CMSS1: variants seen among roughly 807,000 people sequenced by gnomAD.
CMSS1 encodes protein CMSS1.
A neutral mutation model predicts 43.5 loss-of-function variants in CMSS1; 33 were observed. That is an observed-to-expected ratio of 0.76 (90% CI 0.57 to 1.01). The LOEUF (loss-of-function observed/expected upper bound fraction) is 1.01. Among genes scored for constraint, CMSS1 ranks in the 50% least tolerant of loss-of-function variants. The pLI, the probability that CMSS1 is intolerant of heterozygous loss-of-function variation, is 0.00. For synonymous variants in CMSS1, 115 were observed against 117.2 expected (o/e 0.98, Z 0.12); for missense variants, 313 against 326.4 (o/e 0.96, Z 0.32).
chr3:100,037,055 G>T (rs563886798), intron 1 of CMSS1, among the ~76,000 whole-genome samples: 173 of 152,236 alleles, frequency 1.1e-3, no homozygotes, highest in African/African-American at 3.9e-3. Flanking sequence ...TAAATGTGTG[G>T]GTTCTTTCAT....
chr3:99,929,632 A>G (rs1290211157), intron 1 of CMSS1, among the ~76,000 whole-genome samples: 1 of 152,018 alleles, frequency 6.6e-6, no homozygotes, highest in African/African-American at 2.4e-5. Context: ...GGCATTTGGT[A>G]GATTTTGGTT....
intron 1 of CMSS1, among the ~76,000 whole-genome samples, chr3:99,851,501 A>C (rs1576512552): frequency 1.3e-5 from 2 of 152,304 alleles, no homozygotes; most frequent in East Asian, 3.9e-4. Flanking sequence ...CAATTTCCTC[A>C]TATGAAAAAT....
At chr3:99,977,837 A>G (rs1019644135) in intron 1 of CMSS1, among the ~76,000 whole-genome samples, 1 of 152,306 alleles carries the variant, frequency 6.6e-6, no homozygotes, top group African/African-American at 2.4e-5. Flanking sequence ...ACAAGTATGG[A>G]TCCAATAAGA....
chr3:100,025,273 A>G (rs2064897803), intron 1 of CMSS1, among the ~76,000 whole-genome samples: 1 of 152,188 alleles, frequency 6.6e-6, no homozygotes, highest in African/African-American at 2.4e-5. Flanking sequence ...TAAAGGGCAC[A>G]GGCCTCTGAA....
At chr3:100,066,957 GTCT>G (rs1240807211) in intron 1 of CMSS1, among the ~76,000 whole-genome samples, 2 of 152,014 alleles carry the variant, frequency 1.3e-5, no homozygotes, top group African/African-American at 4.8e-5. Context: ...AAGAATATTT[GTCT>G]TCTTTAGAAG....
intron 2 of CMSS1, among the ~76,000 whole-genome samples, chr3:100,152,474 A>G (rs903458399): frequency 6.6e-6 from 1 of 152,112 alleles, no homozygotes; most frequent in Non-Finnish European, 1.5e-5. Flanking sequence ...ATATGAGGCA[A>G]TATTCCTTAA....
chr3:100,045,337 C>T (rs758482489), intron 1 of CMSS1, among the ~76,000 whole-genome samples: 1 of 152,194 alleles, frequency 6.6e-6, no homozygotes, highest in Non-Finnish European at 1.5e-5. Context: ...CTAGGAAAAT[C>T]TCACAGCCTT....
chr3:100,152,390 C>A (rs1441893165), intron 2 of CMSS1, among the ~76,000 whole-genome samples: 2 of 152,056 alleles, frequency 1.3e-5, no homozygotes, highest in Admixed American at 1.3e-4. Context: ...ACCTGTGATG[C>A]TTCTGGGGGT....
intron 1 of CMSS1, chr3:99,876,346 C>T: frequency 2.4e-6 from 1 of 416,776 alleles, no homozygotes; most frequent in South Asian, 9.9e-5. Context: ...GCCGTGTGAA[C>T]GGACCGTGGT....
chr3:99,962,692 A>G (rs1708530293), intron 1 of CMSS1, among the ~76,000 whole-genome samples: 1 of 152,202 alleles, frequency 6.6e-6, no homozygotes, highest in Admixed American at 6.5e-5. Flanking sequence ...TAAGAAATAG[A>G]ATGTCCACAT....
intron 1 of CMSS1, among the ~76,000 whole-genome samples, chr3:100,054,958 A>C (rs897281705): frequency 6.6e-6 from 1 of 152,158 alleles, no homozygotes; most frequent in Admixed American, 6.5e-5. Flanking sequence ...AAACTTCTGA[A>C]TGCCCTTTCC....
At chr3:100,156,114 G>T (rs568166542) in intron 2 of CMSS1, among the ~76,000 whole-genome samples, 1 of 151,614 alleles carries the variant, frequency 6.6e-6, no homozygotes, top group South Asian at 2.1e-4. Flanking sequence ...ATTTTGTCAT[G>T]TTTTATGTCT....
chr3:100,128,504 T>C (rs1053189633), intron 1 of CMSS1, among the ~76,000 whole-genome samples: 1 of 152,216 alleles, frequency 6.6e-6, no homozygotes, highest in South Asian at 2.1e-4. Context: ...GACAAGCCAA[T>C]AGCTAAATGC....
At chr3:100,103,211 T>C (rs868540232) in intron 1 of CMSS1, among the ~76,000 whole-genome samples, 2 of 152,274 alleles carry the variant, frequency 1.3e-5, no homozygotes, top group South Asian at 4.1e-4. Context: ...CAAGCAGCTT[T>C]TTGAAAGAAG....
At chr3:100,154,548 C>T (rs2066954194) in intron 2 of CMSS1, among the ~76,000 whole-genome samples, 1 of 152,132 alleles carries the variant, frequency 6.6e-6, no homozygotes, top group South Asian at 2.1e-4. Context: ...ATAACTTTGA[C>T]CATGTCCAAA....
intron 1 of CMSS1, among the ~76,000 whole-genome samples, chr3:99,853,883 A>G (rs1156278923): frequency 6.6e-6 from 1 of 152,182 alleles, no homozygotes; most frequent in African/African-American, 2.4e-5. Context: ...ACCCATAGCC[A>G]TCAACTTGGG....
At chr3:99,823,099 C>G (rs1336221081) in intron 1 of CMSS1, among the ~76,000 whole-genome samples, 3 of 152,172 alleles carry the variant, frequency 2.0e-5, no homozygotes, top group Non-Finnish European at 4.4e-5. Flanking sequence ...CTGTTATCGG[C>G]TTAAAGAGAC....
At chr3:99,859,889 C>CT (rs1260430979) in intron 1 of CMSS1, among the ~76,000 whole-genome samples, 2 of 152,138 alleles carry the variant, frequency 1.3e-5, no homozygotes, top group Admixed American at 1.3e-4. Flanking sequence ...TGTGACCCGT[C>CT]TTTTTTATTC....
chr3:99,982,846 C>T (rs1206864208), intron 1 of CMSS1, among the ~76,000 whole-genome samples: 4 of 152,084 alleles, frequency 2.6e-5, no homozygotes, highest in African/African-American at 9.7e-5. Flanking sequence ...GTAATTTATG[C>T]AGCAATAAAA....
Sources: allele counts gnomAD v4.1 joint callset (sites outside exome capture counted in the v4.1 genomes callset), GRCh38; gene constraint gnomAD v4.1.1; transcripts MANE v1.5; gene names NCBI Gene and HGNC (gene_info 2026-07-23, HGNC 2026-07-21).